The following FA2H variants were observed in gnomAD, a reference collection of about 807,000 sequenced individuals.
FA2H encodes the protein fatty acid 2-hydroxylase.
A neutral mutation model predicts 44.9 loss-of-function variants in FA2H; 22 were observed. The observed-to-expected ratio is 0.49, with a 90% confidence interval of 0.35 to 0.70. FA2H has a LOEUF of 0.70. FA2H is among the 30% of genes least tolerant of loss of function. The probability of loss-of-function intolerance (pLI) is 0.01; values close to 1 mark genes in which losing one functional copy is unlikely to be tolerated. For synonymous variants in FA2H, 243 were observed against 213.2 expected, an observed-to-expected ratio of 1.14 and a Z score of -1.22; for missense variants, 501 against 504.9, an observed-to-expected ratio of 0.99 and a Z score of 0.07.
chr16:74,724,304 A>T (rs576528957), intron 4 of FA2H, among the ~76,000 whole-genome samples: 1 of 152,118 alleles, frequency 6.6e-6, no homozygotes, highest in East Asian at 1.9e-4. Context: ...ACCCCACTGG[A>T]AGCCTGCCTC....
At chr16:74,733,637 G>A (rs569248770) in intron 2 of FA2H, among the ~76,000 whole-genome samples, 30 of 152,338 alleles carry the variant, frequency 2.0e-4, no homozygotes, top group African/African-American at 5.1e-4. Context: ...CTTGCTGGTC[G>A]TTTCCAACAT....
chr16:74,764,307 T>C (rs762958977), intron 1 of FA2H, among the ~76,000 whole-genome samples: 1 of 152,044 alleles, frequency 6.6e-6, no homozygotes, highest in African/African-American at 2.4e-5. Context: ...AGCAAAGACA[T>C]GAAATCAACC....
intron 1 of FA2H, among the ~76,000 whole-genome samples, chr16:74,746,375 A>ATT (rs1222914236): frequency 2.4e-5 from 2 of 85,032 alleles, no homozygotes; most frequent in Non-Finnish European, 2.7e-5. Flanking sequence ...TATTATTATT[A>ATT]TTATTTTTTT....
chr16:74,743,275 T>C (rs1315020788), intron 1 of FA2H, among the ~76,000 whole-genome samples: 2 of 152,260 alleles, frequency 1.3e-5, no homozygotes, highest in African/African-American at 2.4e-5. Flanking sequence ...GATCTATCTG[T>C]AACAGGAAGT....
chr16:74,769,170 G>A (rs955154001), intron 1 of FA2H, among the ~76,000 whole-genome samples: 1 of 152,140 alleles, frequency 6.6e-6, no homozygotes, highest in Non-Finnish European at 1.5e-5. Flanking sequence ...ACAGCTTATT[G>A]CAGGCTCAAC....
At chr16:74,767,079 G>A (rs1252516685) in intron 1 of FA2H, among the ~76,000 whole-genome samples, 1 of 152,168 alleles carries the variant, frequency 6.6e-6, no homozygotes, top group East Asian at 1.9e-4. Flanking sequence ...GGGAGGCTGA[G>A]GCAGGCAAAT....
Position 74,739,980 on chromosome 16 carries a change from G to A in FA2H, c.363+43C>T, listed in dbSNP as rs770019690. ...ACACCCTCTTCCTCTCCTCATTCCC[G>A]CCAGCCCCCAGTCATCACCCCACTC... is the stretch of plus-strand genomic sequence containing the variant. On this transcript the variant is annotated intron_variant, in intron 2 of 6. Transcript: ENST00000219368. 9.0e-6 allele frequency: 13 copies of A among 1,444,944 alleles called. No individual in the cohort carries two copies. The Middle Eastern group carries it at 8.7e-4, about 97-fold the overall frequency. 89.5% of individuals were successfully genotyped at this position (1,444,944 alleles called of 1,614,324 possible). A position where few individuals can be genotyped will look rare whatever the true frequency, so the allele number is the denominator to read the frequency against.
In FA2H at chr16:74,760,610, C is replaced by G. The variant is rs531090884; in HGVS notation, c.270+13876G>C. Among the ~76,000 whole-genome samples, 253 of 152,250 alleles carry G rather than the reference C, an allele frequency of 1.7e-3. 1 individual carries two copies. The highest frequency in any genetic ancestry group is 5.8e-3 in the African/African-American group (240 of 41,544). On this transcript the variant is annotated intron_variant, in intron 1 of 6. Transcript: ENST00000219368. ...CATGCCTGCTCCCCCCAGGAAATCC[C>G]CATCACATGAGTATACTCATTGCCT...
At chr16:74,750,781 G>GTGTGTGTGTGTGTGTGTGTGTGTA (rs1376634373) in intron 1 of FA2H, among the ~76,000 whole-genome samples, 1 of 151,214 alleles carries the variant, frequency 6.6e-6, no homozygotes, top group Admixed American at 6.6e-5. Context: ...GTGTGTGTGT[G>GTGTGTGTGTGTGTGTGTGTGTGTA]TGTGTGTGTT....
intron 2 of FA2H, among the ~76,000 whole-genome samples, chr16:74,732,210 C>G (rs754071716): frequency 2.0e-5 from 3 of 152,070 alleles, no homozygotes; most frequent in Non-Finnish European, 4.4e-5. Context: ...CTATGTCCCA[C>G]TTTTGCATGT....
intron 1 of FA2H, among the ~76,000 whole-genome samples, chr16:74,764,335 T>G (rs1437472434): frequency 6.6e-6 from 1 of 152,022 alleles, no homozygotes; most frequent in Non-Finnish European, 1.5e-5. Context: ...CCATCAATGG[T>G]AGACTGGATA....
chr16:74,733,585 G>C (rs1049472919), intron 2 of FA2H, among the ~76,000 whole-genome samples: 3 of 152,206 alleles, frequency 2.0e-5, no homozygotes, highest in Non-Finnish European at 4.4e-5. Context: ...AGCACTGAAG[G>C]AGAAAGGCTC....
At chr16:74,749,446 G>A (rs1255126374) in intron 1 of FA2H, among the ~76,000 whole-genome samples, 3 of 152,062 alleles carry the variant, frequency 2.0e-5, no homozygotes, top group African/African-American at 4.8e-5. Context: ...GAGGAAAGGA[G>A]GAAAGAAAAC....
chr16:74,741,808 A>ATGTGTGTGTGTG (rs1208446986), intron 1 of FA2H, among the ~76,000 whole-genome samples: 6 of 48,412 alleles, frequency 1.2e-4, no homozygotes, highest in South Asian at 7.9e-4. Context: ...ATATATATAT[A>ATGTGTGTGTGTG]TGTGTGTGTG....
At chr16:74,735,846 G>A (rs1962169658) in intron 2 of FA2H, among the ~76,000 whole-genome samples, 1 of 152,176 alleles carries the variant, frequency 6.6e-6, no homozygotes, top group Non-Finnish European at 1.5e-5. Flanking sequence ...AGCCAGGCAT[G>A]GTGGTATGCA....
chr16:74,728,066 C>A (rs889498720), intron 2 of FA2H, among the ~76,000 whole-genome samples: 2 of 152,126 alleles, frequency 1.3e-5, no homozygotes, highest in African/African-American at 4.8e-5. Flanking sequence ...ATCCATTTGC[C>A]ATTTACTGTG....
intron 1 of FA2H, among the ~76,000 whole-genome samples, chr16:74,765,512 C>T (rs150301432): frequency 3.3e-5 from 5 of 152,108 alleles, no homozygotes; most frequent in African/African-American, 1.2e-4. Context: ...CAATTATGCA[C>T]GTACCTCAGT....
In FA2H at chr16:74,713,926, G is replaced by C; in HGVS notation, c.*264C>G. On this transcript the variant is annotated 3_prime_UTR_variant, in exon 7 of 7. Coordinates refer to ENST00000219368, the MANE Select transcript of FA2H (RefSeq NM_024306.5). ...TGGCCACGGCCTGAAGCAGTCCTGT[G>C]GGCTGAGCTCTAGGCAGGGACGCTC... 1.9e-6 allele frequency: 1 copy of C among 515,636 alleles called. No individual in the cohort carries two copies. Among genetic ancestry groups the C allele is most frequent in the Non-Finnish European group, 3.5e-6 (1 of 284,210 alleles). The allele number at this position is 515,636 out of a possible 1,614,324, so 31.9% of individuals were successfully genotyped here.
chr16:74,741,848 ATGTGTGTATGTGTG>A (rs969803461), intron 1 of FA2H, among the ~76,000 whole-genome samples: 8 of 83,856 alleles, frequency 9.5e-5, no homozygotes, highest in East Asian at 6.9e-4. Flanking sequence ...ATGTGTGTGT[ATGTGTGTATGTGTG>A]TGTGTGTATG....
Sources: allele counts gnomAD v4.1 joint callset (sites outside exome capture counted in the v4.1 genomes callset), GRCh38; gene constraint gnomAD v4.1.1; transcripts MANE v1.5; gene names NCBI Gene and HGNC (gene_info 2026-07-23, HGNC 2026-07-21).